The following EVX2 variants were observed in gnomAD, a reference collection of about 807,000 sequenced individuals.
EVX2 encodes even-skipped homeobox 2.
A neutral mutation model predicts 19.2 loss-of-function variants in EVX2; 10 were observed. That is an observed-to-expected ratio of 0.52 (90% CI 0.32 to 0.89). The LOEUF (loss-of-function observed/expected upper bound fraction) is 0.89. Ranked by LOEUF, EVX2 falls within the 40% of genes least tolerant of loss-of-function variation. EVX2 has a pLI of 0.03. For synonymous variants in EVX2, 354 were observed against 328.4 expected (o/e 1.08, Z -0.84); for missense variants, 710 against 694.9 (o/e 1.02, Z -0.24).
Position 176,080,474 on chromosome 2 carries a change from CTGT to C in EVX2, c.1061_1063del (p.Asn354del), listed in dbSNP as rs1689127389. On this transcript the variant is annotated inframe_deletion, in exon 3 of 3. Coordinates refer to ENST00000308618, the MANE Select transcript of EVX2 (RefSeq NM_001080458.2). This position sits in a 1 kb window ranked among gnomAD's most constrained non-coding sequence, Gnocchi z 7.0. The stretch of plus-strand genomic sequence containing the variant: ...CGCGGCTGCCGCGGCAGAGGCCGCG[CTGT>C]TGAGCCCCGCGGCGGCCGCGGGAGC... The C allele has an allele frequency of 7.9e-7, 1 of 1,268,786 alleles. No individual in the cohort carries two copies. The highest frequency in any genetic ancestry group is 4.3e-5 in the Admixed American group (1 of 23,352). 78.6% of individuals were successfully genotyped at this position (1,268,786 alleles called of 1,614,324 possible). A position where few individuals can be genotyped will look rare whatever the true frequency, so the allele number is the denominator to read the frequency against.
Position 176,080,794 on chromosome 2 carries a change from C to T in EVX2, c.744G>A (p.Leu248=), listed in dbSNP as rs1260695068. The T allele has an allele frequency of 3.7e-6, 6 of 1,612,188 alleles. No individual in the cohort carries two copies. Among genetic ancestry groups the T allele is most frequent in the East Asian group, 2.2e-5 (1 of 44,800 alleles). Residue 248 remains leucine (L), a synonymous_variant, in exon 3 of 3, where the codon CTG becomes CTA. Transcript: ENST00000308618. The surrounding 1 kb of genome is among the most constrained non-coding windows in gnomAD (Gnocchi z 7.0). The part of the protein sequence containing the change: ...NRRMKDKRQR[L]AMSWPHPADP... Reference sequence around the variant, plus strand: ...CGGCTGGGTGCGGCCAGGACATGGCCAGGCGCTGCCGCTTGTCCTTCATGC... The same window carrying T: ...CGGCTGGGTGCGGCCAGGACATGGCTAGGCGCTGCCGCTTGTCCTTCATGC...
chr2:176,080,244 C>T lies in EVX2; in HGVS notation c.1294G>A (p.Gly432Arg), dbSNP rs764652763. 4.4e-6 allele frequency: 6 copies of T among 1,358,620 alleles called. No homozygotes were observed. The highest frequency in any genetic ancestry group is 3.4e-5 in the South Asian group (2 of 58,970). 84.2% of individuals were successfully genotyped at this position (1,358,620 alleles called of 1,614,324 possible). The change falls in exon 3 of 3, where the codon GGG (glycine) becomes AGG (arginine). Residue 432 changes from glycine (G) to arginine (R), a missense_variant. By Grantham distance (125) the Gly-to-Arg change is moderately radical. Coordinates refer to ENST00000308618, the MANE Select transcript of EVX2 (RefSeq NM_001080458.2). The surrounding 1 kb of genome is among the most constrained non-coding windows in gnomAD (Gnocchi z 7.0). ...GGGGGGGAGA[G>R]GGSDFGCSAA... ...CTGCAGCCGAAGTCCGAGCCTCCCC[C>T]GGCCCCGGCGCCCCCGCCGCCGCCG...
Position 176,080,543 on chromosome 2 carries a change from G to A in EVX2, c.995C>T (p.Pro332Leu). The change falls in exon 3 of 3, where the codon CCG becomes CTG. Residue 332 changes from proline to leucine, a missense_variant. Coordinates refer to ENST00000308618, the MANE Select transcript of EVX2 (RefSeq NM_001080458.2). This position sits in a 1 kb window ranked among gnomAD's most constrained non-coding sequence, Gnocchi z 7.0. ...GTGGCGGAAGCTACACAGCAGCTCC[G>A]GCCGAGAGTAGGGGTGCGAGAGGGC... ...FRALSHPYSR[P>L]ELLCSFRHPG... 1.3e-6 allele frequency: 2 copies of A among 1,513,770 alleles called. No homozygotes were observed. The highest frequency in any genetic ancestry group is 1.3e-5 in the South Asian group (1 of 77,404). 93.8% of individuals were successfully genotyped at this position (1,513,770 alleles called of 1,614,324 possible).
At position 176,080,588 on chromosome 2, in the gene EVX2, C is replaced by G. The variant is rs1395678401; in HGVS notation, c.950G>C (p.Arg317Pro). 1 of 1,532,920 alleles carries G rather than the reference C, an allele frequency of 6.5e-7. No individual in the cohort carries two copies. Among genetic ancestry groups the G allele is most frequent in the African/African-American group, 1.4e-5 (1 of 71,540 alleles). The allele number at this position is 1,532,920 out of a possible 1,614,324, so 95.0% of individuals were successfully genotyped here. A position where few individuals can be genotyped will look rare whatever the true frequency, so the allele number is the denominator to read the frequency against. The change falls in exon 3 of 3, where the codon CGG (arginine) becomes CCG (proline). Residue 317 changes from arginine (R) to proline (P), a missense_variant. Arg to Pro is a moderately radical substitution (Grantham distance 103, BLOSUM62 -2). Transcript: ENST00000308618. This position sits in a 1 kb window ranked among gnomAD's most constrained non-coding sequence, Gnocchi z 7.0. Reference protein sequence around the residue: ...AASSPFATSIRPLDTFRALSH... With the variant: ...AASSPFATSIPPLDTFRALSH... ...GAGGGCGCGGAAGGTGTCCAGTGGC[C>G]GGATGGAAGTAGCGAAGGGCGACGA...
At position 176,082,343 on chromosome 2, in the gene EVX2, C is replaced by T; in HGVS notation, c.534G>A (p.Leu178=). 1 of 1,597,128 alleles carries T rather than the reference C, an allele frequency of 6.3e-7. No individual in the cohort carries two copies. Among genetic ancestry groups the T allele is most frequent in the South Asian group, 1.1e-5 (1 of 90,278 alleles). The change falls in exon 2 of 3, where the codon CTG becomes CTA. Residue 178 remains leucine, a synonymous_variant. Transcript: ENST00000308618. The surrounding 1 kb of genome is among the most constrained non-coding windows in gnomAD (Gnocchi z 5.2). ...GATCCGCGCCAGAGCCGGAGCCACC[C>T]AGCGCCGCGCTCCCGCCGCTGCCTC... The part of the protein sequence containing the change: ...GSGGSGGSAA[L]GGSGSGADQV...
At position 176,081,971 on chromosome 2, in the gene EVX2, G is replaced by A. The variant is rs1435017101; in HGVS notation, c.699+207C>T. On this transcript the variant is annotated intron_variant, in intron 2 of 2. Transcript: ENST00000308618. The surrounding 1 kb of genome is among the most constrained non-coding windows in gnomAD (Gnocchi z 5.9). ...GCTTTCAGCATTGGAGTCACCATTC[G>A]GGGGCCTTCTTAGATCCGTCAGGCC... 6.6e-6 allele frequency among the ~76,000 whole-genome samples: 1 copy of A among 152,192 alleles called. No homozygotes were observed. The highest frequency in any genetic ancestry group is 2.4e-5 in the African/African-American group (1 of 41,446).
Position 176,080,911 on chromosome 2 carries a change from G to A in EVX2, c.700-73C>T. 1 of 1,512,350 alleles carries A rather than the reference G, an allele frequency of 6.6e-7. No homozygotes were observed. Among genetic ancestry groups the A allele is most frequent in the South Asian group, 1.3e-5 (1 of 77,974 alleles). The allele number at this position is 1,512,350 out of a possible 1,614,324, so 93.7% of individuals were successfully genotyped here. A position where few individuals can be genotyped will look rare whatever the true frequency, so the allele number is the denominator to read the frequency against. ...TCCCAGCTCCTGTCCCAGGACCTCT[G>A]CCCCTTCCGGACCTCTGAATGGCTT... On this transcript the variant is annotated intron_variant, in intron 2 of 2. Coordinates refer to ENST00000308618, the MANE Select transcript of EVX2 (RefSeq NM_001080458.2). This position sits in a 1 kb window ranked among gnomAD's most constrained non-coding sequence, Gnocchi z 7.0.
chr2:176,080,205 G>T lies in EVX2; in HGVS notation c.1333C>A (p.Arg445Ser). ...TAGGGCAGGAAGCCGCTCTCGGAAC[G>T]CGGCGCCGCCGCGCTGCAGCCGAAG... ...SDFGCSAAAP[R>S]SESGFLPYSA... Residue 445 changes from arginine (R) to serine (S), a missense_variant, in exon 3 of 3, where the codon CGT becomes AGT. Arg to Ser is a moderately radical substitution (Grantham distance 110). Coordinates refer to ENST00000308618, the MANE Select transcript of EVX2 (RefSeq NM_001080458.2). This position sits in a 1 kb window ranked among gnomAD's most constrained non-coding sequence, Gnocchi z 7.0. 6.8e-7 allele frequency: 1 copy of T among 1,461,954 alleles called. No homozygotes were observed. Among genetic ancestry groups the T allele is most frequent in the Non-Finnish European group, 9.0e-7 (1 of 1,105,960 alleles). 90.6% of individuals were successfully genotyped at this position (1,461,954 alleles called of 1,614,324 possible).
rs1689117945 is a variant in EVX2, at chr2:176,080,283, C to T, written c.1255G>A (p.Gly419Ser). The change falls in exon 3 of 3, where the codon GGT (glycine) becomes AGT (serine). Residue 419 changes from glycine (G) to serine (S), a missense_variant. Coordinates refer to ENST00000308618, the MANE Select transcript of EVX2 (RefSeq NM_001080458.2). The surrounding 1 kb of genome is among the most constrained non-coding windows in gnomAD (Gnocchi z 7.0). The stretch of plus-strand genomic sequence containing the variant: ...CCGCCGCCGCCGCCACCACCACCAC[C>T]GCCGCCGCCACCGCCACCCCGGGAA... ...LGSRGGGGGG[G>S]GGGGGGGGGA... The T allele has an allele frequency of 2.3e-6, 3 of 1,303,030 alleles. No individual in the cohort carries two copies. The highest frequency in any genetic ancestry group is 1.6e-5 in the African/African-American group (1 of 63,720). The allele number at this position is 1,303,030 out of a possible 1,614,324, so 80.7% of individuals were successfully genotyped here. A position where few individuals can be genotyped will look rare whatever the true frequency, so the allele number is the denominator to read the frequency against.
rs1243099372 is a variant in EVX2 at position 176,083,395 on chromosome 2, G to T, written c.382C>A (p.Pro128Thr). Residue 128 changes from proline to threonine, a missense_variant, in exon 1 of 3, where the codon CCC becomes ACC. Pro to Thr is a conservative substitution (Grantham distance 38). Transcript: ENST00000308618. This position sits in a 1 kb window ranked among gnomAD's most constrained non-coding sequence, Gnocchi z 4.4. Reference protein sequence around the residue: ...VEVGCSALRSPGGLGAAQLKE... With the variant: ...VEVGCSALRSTGGLGAAQLKE... Reference sequence around the variant, plus strand: ...AGCTGAGCGGCGCCGAGGCCCCCGGGGGAGCGAAGCGCGGAGCAGCCCACC... The same window carrying T: ...AGCTGAGCGGCGCCGAGGCCCCCGGTGGAGCGAAGCGCGGAGCAGCCCACC... 1.2e-6 allele frequency: 2 copies of T among 1,611,894 alleles called. No homozygotes were observed. Among genetic ancestry groups the T allele is most frequent in the Admixed American group, 1.7e-5 (1 of 59,726 alleles).
rs73029921 is a variant in EVX2, at chr2:176,080,050, G to A, written c.*57C>T. On this transcript the variant is annotated 3_prime_UTR_variant, in exon 3 of 3. Transcript: ENST00000308618. The surrounding 1 kb of genome is among the most constrained non-coding windows in gnomAD (Gnocchi z 7.0). Reference sequence around the variant, plus strand: ...CGCGGAGGGCTCAGGGGGCGCACAGGGGACTCCCGGGCACACTCAGAGAGG... The same window carrying A: ...CGCGGAGGGCTCAGGGGGCGCACAGAGGACTCCCGGGCACACTCAGAGAGG... 0.045 allele frequency: 65,671 copies of A among 1,464,928 alleles called. 1,926 individuals are homozygous for A. The highest frequency in any genetic ancestry group is 0.13 in the African/African-American group (9,210 of 68,450). 90.7% of individuals were successfully genotyped at this position (1,464,928 alleles called of 1,614,324 possible). A position where few individuals can be genotyped will look rare whatever the true frequency, so the allele number is the denominator to read the frequency against.
Position 176,080,455 on chromosome 2 carries a change from TGCCGCGGCA to T in EVX2, c.1074_1082del (p.Ala368_Ala370del), listed in dbSNP as rs1163271983. On this transcript the variant is annotated inframe_deletion, in exon 3 of 3. Transcript: ENST00000308618. The surrounding 1 kb of genome is among the most constrained non-coding windows in gnomAD (Gnocchi z 7.0). ...CCGCAGCCGCTGCGGCTGCCGCGGCTGCCGCGGCAGAGGCCGCGCTGTTGAGCCCCGCGG... is the reference window on the plus strand; with the variant it reads ...CCGCAGCCGCTGCGGCTGCCGCGGCTGAGGCCGCGCTGTTGAGCCCCGCGG... The T allele has an allele frequency of 3.6e-5, 43 of 1,182,602 alleles. No homozygotes were observed. Among genetic ancestry groups the T allele is most frequent in the Non-Finnish European group, 1.0e-5 (10 of 959,642 alleles). The allele number at this position is 1,182,602 out of a possible 1,614,324, so 73.3% of individuals were successfully genotyped here.
chr2:176,082,145 G>A lies in EVX2; in HGVS notation c.699+33C>T. 3 of 1,513,912 alleles carry A rather than the reference G, an allele frequency of 2.0e-6. No homozygotes were observed. Among genetic ancestry groups the A allele is most frequent in the Non-Finnish European group, 2.6e-6 (3 of 1,132,638 alleles). 93.8% of individuals were successfully genotyped at this position (1,513,912 alleles called of 1,614,324 possible). A position where few individuals can be genotyped will look rare whatever the true frequency, so the allele number is the denominator to read the frequency against. The stretch of plus-strand genomic sequence containing the variant: ...AACAATCAACCCAGATGCCCCCGGG[G>A]AGGCCAGAGCAGGCATGCACTGGAA... On this transcript the variant is annotated intron_variant, in intron 2 of 2. Transcript: ENST00000308618. This position sits in a 1 kb window ranked among gnomAD's most constrained non-coding sequence, Gnocchi z 5.2.
In EVX2 at chr2:176,081,647, C is replaced by T. The variant is rs892710736; in HGVS notation, c.699+531G>A. 7.2e-5 allele frequency among the ~76,000 whole-genome samples: 11 copies of T among 152,096 alleles called. No homozygotes were observed. Among genetic ancestry groups the T allele is most frequent in the African/African-American group, 2.2e-4 (9 of 41,404 alleles). ...ACCTAAAGTTATATATAAATAAGGACAATTTCGTTGCATTTTTCCCCGCAG... is the reference window on the plus strand; with the variant it reads ...ACCTAAAGTTATATATAAATAAGGATAATTTCGTTGCATTTTTCCCCGCAG... On this transcript the variant is annotated intron_variant, in intron 2 of 2. Transcript: ENST00000308618. The surrounding 1 kb of genome is among the most constrained non-coding windows in gnomAD (Gnocchi z 5.9).
Position 176,080,950 on chromosome 2 carries a change from C to A in EVX2, c.700-112G>T. 2 of 1,334,456 alleles carry A rather than the reference C, an allele frequency of 1.5e-6. No individual in the cohort carries two copies. Among genetic ancestry groups the A allele is most frequent in the Admixed American group, 2.7e-5 (1 of 36,746 alleles). 82.7% of individuals were successfully genotyped at this position (1,334,456 alleles called of 1,614,324 possible). ...TCTGAATGGCTTGGTCTACTTCTCT[C>A]CGACCAAGCCCAACCCCGAGTACCC... On this transcript the variant is annotated intron_variant, in intron 2 of 2. Transcript: ENST00000308618. This position sits in a 1 kb window ranked among gnomAD's most constrained non-coding sequence, Gnocchi z 7.0.
rs1157167135 is a variant in EVX2, at chr2:176,081,396, C to A, written c.700-558G>T. On this transcript the variant is annotated intron_variant, in intron 2 of 2. Transcript: ENST00000308618. The surrounding 1 kb of genome is among the most constrained non-coding windows in gnomAD (Gnocchi z 5.9). ...GTGGGTAGAGCAATGTCTCCATAAA[C>A]GGGGAAGGGGACGTTTCCACCCCTC... Among the ~76,000 whole-genome samples, 1 of 152,124 alleles carries A rather than the reference C, an allele frequency of 6.6e-6. No homozygotes were observed. Among genetic ancestry groups the A allele is most frequent in the African/African-American group, 2.4e-5 (1 of 41,430 alleles).
chr2:176,080,075 G>A lies in EVX2; in HGVS notation c.*32C>T. On this transcript the variant is annotated 3_prime_UTR_variant, in exon 3 of 3. Transcript: ENST00000308618. The surrounding 1 kb of genome is among the most constrained non-coding windows in gnomAD (Gnocchi z 7.0). ...GGGACTCCCGGGCACACTCAGAGAG[G>A]CGGGCGCGGCCCCCTGGCGGTGGCG... 6.7e-7 allele frequency: 1 copy of A among 1,483,434 alleles called. No homozygotes were observed. The highest frequency in any genetic ancestry group is 2.8e-5 in the East Asian group (1 of 35,966). 91.9% of individuals were successfully genotyped at this position (1,483,434 alleles called of 1,614,324 possible).
rs1443169801 is a variant in EVX2, at chr2:176,080,315, G to A, written c.1223C>T (p.Ala408Val). 15 of 1,308,500 alleles carry A rather than the reference G, an allele frequency of 1.1e-5. No individual in the cohort carries two copies. The highest frequency in any genetic ancestry group is 1.4e-5 in the Non-Finnish European group (14 of 1,018,652). 81.1% of individuals were successfully genotyped at this position (1,308,500 alleles called of 1,614,324 possible). A position where few individuals can be genotyped will look rare whatever the true frequency, so the allele number is the denominator to read the frequency against. Reference sequence around the variant, plus strand: ...GCCACCGCCACCCCGGGAACCCAGGGCTGCGGCAGCTGCTGCCGCGGCTGC... The same window carrying A: ...GCCACCGCCACCCCGGGAACCCAGGACTGCGGCAGCTGCTGCCGCGGCTGC... Reference protein sequence around the residue: ...AAAAAAAAAAALGSRGGGGGG... With the variant: ...AAAAAAAAAAVLGSRGGGGGG... Residue 408 changes from alanine (A) to valine (V), a missense_variant, in exon 3 of 3, where the codon GCC (alanine) becomes GTC (valine). Transcript: ENST00000308618. This position sits in a 1 kb window ranked among gnomAD's most constrained non-coding sequence, Gnocchi z 7.0.
chr2:176,080,320 G>A lies in EVX2; in HGVS notation c.1218C>T (p.Ala406=). 7.7e-7 allele frequency: 1 copy of A among 1,304,286 alleles called. No homozygotes were observed. Among genetic ancestry groups the A allele is most frequent in the Non-Finnish European group, 9.8e-7 (1 of 1,015,896 alleles). The allele number at this position is 1,304,286 out of a possible 1,614,324, so 80.8% of individuals were successfully genotyped here. A position where few individuals can be genotyped will look rare whatever the true frequency, so the allele number is the denominator to read the frequency against. ...CGCCACCCCGGGAACCCAGGGCTGC[G>A]GCAGCTGCTGCCGCGGCTGCCGCCG... is the stretch of plus-strand genomic sequence containing the variant. ...QSAAAAAAAA[A]AALGSRGGGG... is the part of the protein sequence containing the mutation. The change falls in exon 3 of 3, where the codon GCC becomes GCT. Residue 406 remains alanine (A), a synonymous_variant. Transcript: ENST00000308618. This position sits in a 1 kb window ranked among gnomAD's most constrained non-coding sequence, Gnocchi z 7.0.
Sources: allele counts gnomAD v4.1 joint callset (sites outside exome capture counted in the v4.1 genomes callset), GRCh38; gene constraint gnomAD v4.1.1; non-coding constraint Gnocchi (gnomAD v3.1); transcripts MANE v1.5; gene names NCBI Gene and HGNC (gene_info 2026-07-23, HGNC 2026-07-21).